PIK3R1: variants seen among roughly 807,000 people sequenced by gnomAD.
PIK3R1 encodes phosphatidylinositol 3-kinase regulatory subunit alpha.
A neutral mutation model predicts 98.0 loss-of-function variants in PIK3R1; 29 were observed. That is an observed-to-expected ratio of 0.30 (90% CI 0.22 to 0.40). The LOEUF (loss-of-function observed/expected upper bound fraction) is 0.40, where lower values mean the gene tolerates loss of function less well. Among genes scored for constraint, PIK3R1 ranks in the 10% least tolerant of loss-of-function variants. The pLI, the probability that PIK3R1 is intolerant of heterozygous loss-of-function variation, is 1.00. For missense variants in PIK3R1, 596 were observed against 872.7 expected (o/e 0.68, Z 3.99); for synonymous variants, 282 against 311.8 (o/e 0.90, Z 1.01).
At chr5:68,236,966 C>T (rs1048806638) in intron 2 of PIK3R1, among the ~76,000 whole-genome samples, 3 of 152,292 alleles carry the variant, frequency 2.0e-5, no homozygotes, top group Middle Eastern at 6.8e-3. Context: ...AAGAAATACA[C>T]CATGATCAGA....
At position 68,221,185 on chromosome 5, in the gene PIK3R1, A is replaced by C. The variant is rs78589298; in HGVS notation, c.-386-5105A>C. On this transcript the variant is annotated intron_variant, in intron 1 of 15. Coordinates refer to ENST00000521381, the MANE Select transcript of PIK3R1 (RefSeq NM_181523.3). Reference sequence around the variant, plus strand: ...CTTTCCAGCCTCCAGAACCAAATATACTTCTGTTGTTTATAAATTACCCAG... The same window carrying C: ...CTTTCCAGCCTCCAGAACCAAATATCCTTCTGTTGTTTATAAATTACCCAG... Among the ~76,000 whole-genome samples, 224 of 152,260 alleles carry C rather than the reference A, an allele frequency of 1.5e-3. 3 individuals are homozygous for C. Among genetic ancestry groups the C allele is most frequent in the African/African-American group, 4.9e-3 (203 of 41,544 alleles).
At chr5:68,253,855 C>G (rs532545662) in intron 2 of PIK3R1, among the ~76,000 whole-genome samples, 136 of 152,280 alleles carry the variant, frequency 8.9e-4, no homozygotes, top group Middle Eastern at 3.4e-3. Flanking sequence ...TCTCTCAGCA[C>G]TTGACTAAGC....
At chr5:68,283,783 G>A (rs898049399) in intron 7 of PIK3R1, among the ~76,000 whole-genome samples, 1 of 152,200 alleles carries the variant, frequency 6.6e-6, no homozygotes, top group Non-Finnish European at 1.5e-5. Context: ...CTGCCCAGGA[G>A]CCGCCTCCTA....
At chr5:68,262,705 G>GTATCTGCATTTATACACATGTAGACA (rs1561278371) in intron 2 of PIK3R1, among the ~76,000 whole-genome samples, 1 of 23,826 alleles carries the variant, frequency 4.2e-5, no homozygotes, top group Non-Finnish European at 9.4e-5. Context: ...ACATGTAGAT[G>GTATCTGCATTTATACACATGTAGACA]CATGTAGATG....
intron 2 of PIK3R1, among the ~76,000 whole-genome samples, chr5:68,270,176 T>C (rs1209229664): frequency 6.6e-6 from 1 of 152,194 alleles, no homozygotes; most frequent in Non-Finnish European, 1.5e-5. Context: ...AACACCTGAA[T>C]GAGTAATGTG....
chr5:68,276,366 G>A (rs1040533896), intron 4 of PIK3R1, among the ~76,000 whole-genome samples: 7 of 152,200 alleles, frequency 4.6e-5, no homozygotes, highest in Non-Finnish European at 7.3e-5. Flanking sequence ...ATTGCCAGAT[G>A]GCTCATGGCA....
chr5:68,265,735 C>CT, intron 2 of PIK3R1, among the ~76,000 whole-genome samples: 1 of 152,180 alleles, frequency 6.6e-6, no homozygotes, highest in Middle Eastern at 3.4e-3. Flanking sequence ...CCACATCTGA[C>CT]TTTAAAATGC....
At chr5:68,233,869 C>T (rs1001259525) in intron 2 of PIK3R1, among the ~76,000 whole-genome samples, 7 of 152,162 alleles carry the variant, frequency 4.6e-5, no homozygotes, top group Non-Finnish European at 8.8e-5. Context: ...TTCAGGAATA[C>T]CCTCTCTGGA....
intron 11 of PIK3R1, among the ~76,000 whole-genome samples, chr5:68,294,273 G>A (rs1244801254): frequency 6.6e-6 from 1 of 152,148 alleles, no homozygotes; most frequent in Non-Finnish European, 1.5e-5. Context: ...GAATGCCAGA[G>A]GGAACAGAAA....
intron 2 of PIK3R1, among the ~76,000 whole-genome samples, chr5:68,272,015 T>C (rs1022340285): frequency 7.9e-5 from 12 of 151,790 alleles, no homozygotes; most frequent in African/African-American, 2.9e-4. Context: ...TTTTGAGAGA[T>C]TGAGGTGGGT....
intron 8 of PIK3R1, chr5:68,292,641 A>G: frequency 7.2e-7 from 1 of 1,384,356 alleles, no homozygotes; most frequent in Admixed American, 2.5e-5. Flanking sequence ...AAGGCACTCT[A>G]TCTATTAAGC....
intron 2 of PIK3R1, among the ~76,000 whole-genome samples, chr5:68,248,913 T>C (rs1745200307): frequency 6.6e-6 from 1 of 152,108 alleles, no homozygotes; most frequent in African/African-American, 2.4e-5. Context: ...CCAAGAGATA[T>C]TTTCTGAAGG....
At chr5:68,231,511 C>T (rs932176716) in intron 2 of PIK3R1, among the ~76,000 whole-genome samples, 5 of 152,212 alleles carry the variant, frequency 3.3e-5, no homozygotes, top group African/African-American at 9.6e-5. Flanking sequence ...TTTTCACATT[C>T]AGCATTTGAG....
Position 68,273,981 on chromosome 5 carries a change from A to C in PIK3R1, c.470A>C (p.Asn157Thr). Reference sequence around the variant, plus strand: ...CTATACAGAACACAGAGCTCCAGCAACCTGGCAGAATTACGACAGCTTCTT... The same window carrying C: ...CTATACAGAACACAGAGCTCCAGCACCCTGGCAGAATTACGACAGCTTCTT... ...STLYRTQSSS[N>T]LAELRQLLDC... Residue 157 changes from asparagine to threonine, a missense_variant, in exon 4 of 16, where the codon AAC becomes ACC. Around this residue, in one of 3 missense-constraint regions of PIK3R1, gnomAD observed 352 missense variants for 393.3 expected, o/e 0.90. Transcript: ENST00000521381. 6.2e-7 allele frequency: 1 copy of C among 1,614,102 alleles called. No individual in the cohort carries two copies. Among genetic ancestry groups the C allele is most frequent in the Non-Finnish European group, 8.5e-7 (1 of 1,179,928 alleles).
At chr5:68,263,855 CT>C (rs370970548) in intron 2 of PIK3R1, among the ~76,000 whole-genome samples, 358 of 152,320 alleles carry the variant, frequency 2.4e-3, no homozygotes, top group African/African-American at 8.1e-3. Context: ...CAGGTCATTG[CT>C]TTCCCTTCCT....
chr5:68,301,156 T>A lies in PIK3R1; in HGVS notation c.*3555T>A. ...TAGGGTCATTTTTAGAAAGGGGCAG[T>A]TTAAAGCACAATGTCTCACATGGGA... On this transcript the variant is annotated 3_prime_UTR_variant, in exon 16 of 16. Coordinates refer to ENST00000521381, the MANE Select transcript of PIK3R1 (RefSeq NM_181523.3). The A allele has an allele frequency of 4.5e-6, 1 of 224,676 alleles. No homozygotes were observed. The highest frequency in any genetic ancestry group is 6.5e-5 in the East Asian group (1 of 15,408). The allele number at this position is 224,676 out of a possible 1,614,324, so 13.9% of individuals were successfully genotyped here.
chr5:68,273,861 G>A (rs1746464660), intron 3 of PIK3R1, 78 bp from the exon 4 acceptor site: 1 of 1,066,708 alleles, frequency 9.4e-7, no homozygotes, highest in African/African-American at 1.6e-5. Context: ...AAACTGGAAT[G>A]TCTCTGGCAG....
rs1276041206 is a variant in PIK3R1 at position 68,293,303 on chromosome 5, G to A, written c.1119G>A (p.Arg373=). The change falls in exon 10 of 16, where the codon AGG becomes AGA. Residue 373 remains arginine (R), a splice_region_variant and synonymous_variant. Transcript: ENST00000521381. ...CTTTATTTTTATATTGTTTTTACAG[G>A]AAAGGGGGAAATAACAAATTAATCA... The part of the protein sequence containing the change: ...KMHGDYTLTL[R]KGGNNKLIKI... 5.6e-6 allele frequency: 9 copies of A among 1,609,244 alleles called. No individual in the cohort carries two copies. The highest frequency in any genetic ancestry group is 7.7e-6 in the Non-Finnish European group (9 of 1,176,316).
At chr5:68,296,392 T>A in intron 15 of PIK3R1, 51 bp downstream of exon 15, 1 of 1,474,678 alleles carries the variant, frequency 6.8e-7, no homozygotes, top group Non-Finnish European at 9.3e-7. Flanking sequence ...AAGAGATGTT[T>A]CATTTATTCA....
Sources: allele counts gnomAD v4.1 joint callset (sites outside exome capture counted in the v4.1 genomes callset), GRCh38; gene constraint gnomAD v4.1.1; regional missense constraint gnomAD v4.1.1; transcripts MANE v1.5; gene names NCBI Gene and HGNC (gene_info 2026-07-23, HGNC 2026-07-21).